NUAK1: variants seen among roughly 807,000 people sequenced by gnomAD.
The protein encoded by NUAK1 is NUAK family kinase 1.
A neutral mutation model predicts 56.9 loss-of-function variants in NUAK1; 26 were observed. The ratio of observed to expected loss-of-function variants is 0.46; its 90% CI spans 0.33 to 0.63. The LOEUF (loss-of-function observed/expected upper bound fraction) is 0.63, where lower values mean the gene tolerates loss of function less well. NUAK1 is among the 30% of genes least tolerant of loss of function. NUAK1 has a pLI of 0.02. For synonymous variants in NUAK1, 337 were observed against 336.0 expected (o/e 1.00, Z -0.03); for missense variants, 727 against 876.1 (o/e 0.83, Z 2.15).
intron 6 of NUAK1, 151 bp from the exon 7 acceptor site, chr12:106,068,106 C>T: frequency 2.8e-6 from 2 of 705,692 alleles, no homozygotes; most frequent in Non-Finnish European, 4.5e-6. Flanking sequence ...GAGCAGGAAG[C>T]CCCAGCCTTT....
chr12:106,125,584 A>T (rs1383044261), intron 1 of NUAK1, among the ~76,000 whole-genome samples: 2 of 152,170 alleles, frequency 1.3e-5, no homozygotes, highest in African/African-American at 4.8e-5. Context: ...GCACACACTG[A>T]TCACTCAATG....
chr12:106,124,026 G>T (rs2033003078), intron 1 of NUAK1, among the ~76,000 whole-genome samples: 2 of 152,222 alleles, frequency 1.3e-5, no homozygotes, highest in Non-Finnish European at 2.9e-5. Flanking sequence ...CGCCACCAGA[G>T]AAATGCAAAA....
chr12:106,081,503 T>A (rs1039620771), intron 4 of NUAK1, among the ~76,000 whole-genome samples: 3 of 152,118 alleles, frequency 2.0e-5, no homozygotes, highest in Admixed American at 2.0e-4. Flanking sequence ...CCTTAATTGA[T>A]AATACTGCTT....
intron 1 of NUAK1, among the ~76,000 whole-genome samples, chr12:106,126,477 G>T (rs928080833): frequency 6.6e-6 from 1 of 152,154 alleles, no homozygotes; most frequent in Middle Eastern, 3.2e-3. Context: ...ACAAACAGTG[G>T]GGCCCTGGGC....
At chr12:106,096,541 G>C (rs2032698827) in intron 2 of NUAK1, among the ~76,000 whole-genome samples, 2 of 152,252 alleles carry the variant, frequency 1.3e-5, no homozygotes, top group African/African-American at 4.8e-5. Context: ...TGTGAATCTG[G>C]CGGCAGAGGG....
intron 1 of NUAK1, among the ~76,000 whole-genome samples, chr12:106,111,966 A>G (rs1482150834): frequency 2.7e-5 from 4 of 150,010 alleles, no homozygotes; most frequent in Admixed American, 2.7e-4. Context: ...TTTTAAGGCT[A>G]TGAATAAAGT....
At chr12:106,137,452 C>T (rs1484385053) in intron 1 of NUAK1, among the ~76,000 whole-genome samples, 3 of 152,220 alleles carry the variant, frequency 2.0e-5, no homozygotes, top group Non-Finnish European at 4.4e-5. Flanking sequence ...TTCTGCCACA[C>T]ACCACACAAA....
chr12:106,112,564 G>C (rs12316927), intron 1 of NUAK1, among the ~76,000 whole-genome samples: 43,116 of 152,092 alleles, frequency 0.28, 11,202 homozygotes, highest in African/African-American at 0.7. Flanking sequence ...AAATGACCCC[G>C]GGCTCTTTAT....
intron 1 of NUAK1, among the ~76,000 whole-genome samples, chr12:106,125,195 C>T (rs956950272): frequency 5.3e-5 from 8 of 152,148 alleles, no homozygotes; most frequent in Admixed American, 2.0e-4. Context: ...CCCAACATAC[C>T]TAGACTCATA....
At chr12:106,106,129 G>C (rs1032524888) in intron 2 of NUAK1, 24 of 268,216 alleles carry the variant, frequency 8.9e-5, no homozygotes, top group African/African-American at 5.3e-4. Context: ...TCACAAACTG[G>C]CTTTCAATAA....
chr12:106,097,321 T>A (rs1592854499), intron 2 of NUAK1, among the ~76,000 whole-genome samples: 1 of 152,224 alleles, frequency 6.6e-6, no homozygotes, highest in Non-Finnish European at 1.5e-5. Flanking sequence ...AAACTGATTG[T>A]GGTTTTCACC....
rs115197448 is a variant in NUAK1, at chr12:106,088,157, A to G, written c.362-1272T>C. On this transcript the variant is annotated intron_variant, in intron 2 of 6. Transcript: ENST00000261402. ...ATGACAGGCTGTCCAAAGCCACTCCATTGCCACCTGTTTCATACTTTGGAC... is the reference window on the plus strand; with the variant it reads ...ATGACAGGCTGTCCAAAGCCACTCCGTTGCCACCTGTTTCATACTTTGGAC... 6.0e-3 allele frequency among the ~76,000 whole-genome samples: 907 copies of G among 152,316 alleles called. 9 individuals carry two copies. Among genetic ancestry groups the G allele is most frequent in the African/African-American group, 0.021 (869 of 41,572 alleles).
intron 1 of NUAK1, among the ~76,000 whole-genome samples, chr12:106,129,337 G>A (rs564915422): frequency 6.6e-6 from 1 of 152,306 alleles, no homozygotes; most frequent in South Asian, 2.1e-4. Context: ...GCTTCTTCCC[G>A]CAATTGTTCA....
chr12:106,097,287 T>A (rs1466814450), intron 2 of NUAK1, among the ~76,000 whole-genome samples: 1 of 152,224 alleles, frequency 6.6e-6, no homozygotes, highest in African/African-American at 2.4e-5. Flanking sequence ...ATTTATACTC[T>A]TGCCCTACTA....
chr12:106,138,879 G>T lies in NUAK1; in HGVS notation c.-226C>A. ...CCGCGCACCGCCCCCCGGCCGCGGCGAGCTGTGGAGCGTCGGGCGAGGTGG... is the reference window on the plus strand; with the variant it reads ...CCGCGCACCGCCCCCCGGCCGCGGCTAGCTGTGGAGCGTCGGGCGAGGTGG... On this transcript the variant is annotated 5_prime_UTR_variant, in exon 1 of 7. Transcript: ENST00000261402. This position sits in a 1 kb window ranked among gnomAD's most constrained non-coding sequence, Gnocchi z 5.0. The T allele has an allele frequency of 4.2e-6, 2 of 473,324 alleles. No homozygotes were observed. The highest frequency in any genetic ancestry group is 6.8e-6 in the Non-Finnish European group (2 of 296,106). The allele number at this position is 473,324 out of a possible 1,614,324, so 29.3% of individuals were successfully genotyped here.
chr12:106,075,286 A>AACACATACAC (rs1555222945), intron 4 of NUAK1, among the ~76,000 whole-genome samples: 3 of 133,930 alleles, frequency 2.2e-5, no homozygotes, highest in Non-Finnish European at 4.7e-5. Context: ...AGTATTAATC[A>AACACATACAC]ACACACACAC....
chr12:106,070,518 G>A (rs1048724497), intron 6 of NUAK1, among the ~76,000 whole-genome samples: 1 of 152,156 alleles, frequency 6.6e-6, no homozygotes, highest in African/African-American at 2.4e-5. Flanking sequence ...AATCCAAAGA[G>A]ATTAAGTGAC....
At chr12:106,093,286 C>T (rs1201229514) in intron 2 of NUAK1, among the ~76,000 whole-genome samples, 1 of 152,212 alleles carries the variant, frequency 6.6e-6, no homozygotes, top group African/African-American at 2.4e-5. Context: ...TTGACTATTC[C>T]ACTGGCAGGC....
chr12:106,077,550 C>G (rs140558367), intron 4 of NUAK1, among the ~76,000 whole-genome samples: 1 of 152,310 alleles, frequency 6.6e-6, no homozygotes, highest in African/African-American at 2.4e-5. Context: ...GAGTGAGAAG[C>G]TGCATCATAG....
Sources: allele counts gnomAD v4.1 joint callset (sites outside exome capture counted in the v4.1 genomes callset), GRCh38; gene constraint gnomAD v4.1.1; non-coding constraint Gnocchi (gnomAD v3.1); transcripts MANE v1.5; gene names NCBI Gene and HGNC (gene_info 2026-07-23, HGNC 2026-07-21).